The following DCAF7 variants were observed in gnomAD, a reference collection of about 807,000 sequenced individuals.
DCAF7 encodes the protein DDB1- and CUL4-associated factor 7.
A neutral mutation model predicts 41.2 loss-of-function variants in DCAF7; 4 were observed. The observed-to-expected ratio is 0.10, with a 90% CI of 0.05 to 0.22. The LOEUF is 0.22. Ranked by LOEUF, DCAF7 falls within the 10% of genes least tolerant of loss-of-function variation. DCAF7 has a pLI of 1.00. For synonymous variants in DCAF7, 143 were observed against 164.2 expected, an observed-to-expected ratio of 0.87 and a Z score of 0.99; for missense variants, 131 against 443.2, an observed-to-expected ratio of 0.30 and a Z score of 6.32.
intron 1 of DCAF7, among the ~76,000 whole-genome samples, chr17:63,566,264 G>A (rs552334760): frequency 6.6e-6 from 1 of 151,146 alleles, no homozygotes; most frequent in African/African-American, 2.4e-5. Context: ...CCAGCTACTC[G>A]GGAGGCTGAG....
intron 1 of DCAF7, among the ~76,000 whole-genome samples, chr17:63,575,313 A>G (rs2033550162): frequency 6.6e-6 from 1 of 152,256 alleles, no homozygotes; most frequent in Non-Finnish European, 1.5e-5. Flanking sequence ...CTGAGGCGAC[A>G]GAGCGAGACT....
intron 1 of DCAF7, among the ~76,000 whole-genome samples, chr17:63,570,613 A>C (rs905518538): frequency 6.6e-6 from 1 of 152,122 alleles, no homozygotes; most frequent in Non-Finnish European, 1.5e-5. Context: ...AAGAGTGTAA[A>C]TTGCAAGGCA....
chr17:63,582,622 C>T (rs1453305161), intron 4 of DCAF7, among the ~76,000 whole-genome samples: 1 of 152,116 alleles, frequency 6.6e-6, no homozygotes, highest in Non-Finnish European at 1.5e-5. Context: ...GCACCAGACA[C>T]CACACTCAGC....
At chr17:63,562,799 C>A (rs906750608) in intron 1 of DCAF7, among the ~76,000 whole-genome samples, 1 of 147,618 alleles carries the variant, frequency 6.8e-6, no homozygotes, top group Non-Finnish European at 1.5e-5. Flanking sequence ...GAACAAAAAA[C>A]CAAACACCGC....
rs2033243253 is a variant in DCAF7 at position 63,550,876 on chromosome 17, C to G, written c.138+61C>G. 1.8e-5 allele frequency: 29 copies of G among 1,573,528 alleles called. No homozygotes were observed. The highest frequency in any genetic ancestry group is 2.4e-5 in the Non-Finnish European group (28 of 1,160,974). ...GGAGCGGGCCCCGGGAGCGCCCTTT[C>G]CGGGCCGGAGCCCAGGCCTCAGAAC... On this transcript the variant is annotated intron_variant, in intron 1 of 6. Transcript: ENST00000614556. This position sits in a 1 kb window ranked among gnomAD's most constrained non-coding sequence, Gnocchi z 4.8.
chr17:63,584,952 A>C (rs1461084611), intron 5 of DCAF7, among the ~76,000 whole-genome samples: 1 of 152,114 alleles, frequency 6.6e-6, no homozygotes, highest in Non-Finnish European at 1.5e-5. Context: ...GCTGGGACCC[A>C]GGATTACCCA....
intron 1 of DCAF7, among the ~76,000 whole-genome samples, chr17:63,559,409 GTATA>G (rs1328151759): frequency 2.3e-5 from 2 of 86,348 alleles, no homozygotes; most frequent in Non-Finnish European, 4.3e-5. Flanking sequence ...GTATATATAT[GTATA>G]TATATACGTA....
chr17:63,578,592 A>G lies in DCAF7; in HGVS notation c.261A>G (p.Leu87=). The G allele has an allele frequency of 6.2e-7, 1 of 1,614,024 alleles. No individual in the cohort carries two copies. Among genetic ancestry groups the G allele is most frequent in the South Asian group, 1.1e-5 (1 of 91,086 alleles). The change falls in exon 2 of 7, where the codon CTA becomes CTG. Residue 87 remains leucine (L), a synonymous_variant. Transcript: ENST00000614556. ...ACACAAAAGGCGTCTATCCAGACCT[A>G]CTGGCAACAAGCGGTGACTATCTCC... is the stretch of plus-strand genomic sequence containing the variant. ...IPDTKGVYPD[L]LATSGDYLRV...
In DCAF7 at chr17:63,585,347, AAG is replaced by A. The variant is rs1431388649; in HGVS notation, c.856+21_856+22del. 7 of 1,600,288 alleles carry A rather than the reference AAG, an allele frequency of 4.4e-6. No individual in the cohort carries two copies. The highest frequency in any genetic ancestry group is 6.0e-6 in the Non-Finnish European group (7 of 1,167,584). ...ACTGCAGGTAATCATGGTGGGGAGA[AAG>A]AAATCTGGGAAGGATGGAGGAAATC... is the stretch of plus-strand genomic sequence containing the variant. On this transcript the variant is annotated intron_variant, in intron 6 of 6. Coordinates refer to ENST00000614556, the MANE Select transcript of DCAF7 (RefSeq NM_005828.5).
At chr17:63,568,575 T>C (rs2033470495) in intron 1 of DCAF7, among the ~76,000 whole-genome samples, 1 of 152,184 alleles carries the variant, frequency 6.6e-6, no homozygotes, top group African/African-American at 2.4e-5. Context: ...AGTTGATCTC[T>C]GTCATTAACA....
intron 1 of DCAF7, among the ~76,000 whole-genome samples, chr17:63,570,461 GA>G (rs984761593): frequency 1.3e-5 from 2 of 150,198 alleles, no homozygotes; most frequent in East Asian, 1.9e-4. Flanking sequence ...CAAAAAAAAA[GA>G]AAAAAAAAGA....
chr17:63,575,427 T>C (rs527637792), intron 1 of DCAF7, among the ~76,000 whole-genome samples: 104 of 152,132 alleles, frequency 6.8e-4, no homozygotes, highest in African/African-American at 2.5e-3. Flanking sequence ...CAGCCGGGCG[T>C]AGTGGTTCAC....
intron 1 of DCAF7, among the ~76,000 whole-genome samples, chr17:63,564,512 AAGTGGGGAAAATGC>A (rs577892740): frequency 9.6e-4 from 147 of 152,346 alleles, no homozygotes; most frequent in Non-Finnish European, 1.9e-3. Flanking sequence ...CTGGTGAACT[AAGTGGGGAAAATGC>A]AGTTTGGCCT....
intron 1 of DCAF7, among the ~76,000 whole-genome samples, chr17:63,568,269 G>A (rs2033466682): frequency 1.3e-5 from 2 of 152,130 alleles, no homozygotes; most frequent in South Asian, 4.1e-4. Flanking sequence ...CCAAAGTGCT[G>A]GGATTACAAG....
intron 1 of DCAF7, among the ~76,000 whole-genome samples, chr17:63,553,957 A>G (rs891508813): frequency 6.6e-6 from 1 of 152,164 alleles, no homozygotes; most frequent in African/African-American, 2.4e-5. Context: ...TAATCTTAGC[A>G]CTTTGGGAGG....
chr17:63,593,707 C>CA lies in DCAF7; in HGVS notation c.*4536dup, dbSNP rs2033757294. 1 of 152,654 alleles carries CA rather than the reference C, an allele frequency of 6.6e-6. No individual in the cohort carries two copies. Among genetic ancestry groups the CA allele is most frequent in the Non-Finnish European group, 1.5e-5 (1 of 68,050 alleles). 9.5% of individuals were successfully genotyped at this position (152,654 alleles called of 1,614,324 possible). A position where few individuals can be genotyped will look rare whatever the true frequency, so the allele number is the denominator to read the frequency against. Reference sequence around the variant, plus strand: ...TGAATCGATTTAGTTGAGTCTGACTCACTTGCTTTGGTTCCTGTGTATTTT... The same window carrying CA: ...TGAATCGATTTAGTTGAGTCTGACTCAACTTGCTTTGGTTCCTGTGTATTTT... On this transcript the variant is annotated 3_prime_UTR_variant, in exon 7 of 7. Coordinates refer to ENST00000614556, the MANE Select transcript of DCAF7 (RefSeq NM_005828.5).
At chr17:63,573,998 G>C (rs973098136) in intron 1 of DCAF7, among the ~76,000 whole-genome samples, 1 of 152,086 alleles carries the variant, frequency 6.6e-6, no homozygotes, top group African/African-American at 2.4e-5. Context: ...CTTCATCGGG[G>C]GAAGGTGAAG....
chr17:63,569,305 T>A lies in DCAF7; in HGVS notation c.139-9165T>A, dbSNP rs577971686. On this transcript the variant is annotated intron_variant, in intron 1 of 6. Coordinates refer to ENST00000614556, the MANE Select transcript of DCAF7 (RefSeq NM_005828.5). ...TCTCCCAAAGATGTCCTCTAGGGTG[T>A]CCCCATTTTTGGCTTTAACCTACCA... is the stretch of plus-strand genomic sequence containing the variant. Among the ~76,000 whole-genome samples, 19 of 151,680 alleles carry A rather than the reference T, an allele frequency of 1.3e-4. No homozygotes were observed. In the East Asian group the frequency reaches 2.1e-3, roughly 17 times the overall value.
chr17:63,561,731 A>C (rs1024653485), intron 1 of DCAF7, among the ~76,000 whole-genome samples: 7 of 152,000 alleles, frequency 4.6e-5, no homozygotes, highest in African/African-American at 1.5e-4. Flanking sequence ...AAAGAAGAAA[A>C]TGTGTTATAA....
Sources: gnomAD v4.1 joint callset for allele counts (sites outside exome capture counted in the v4.1 genomes callset) on GRCh38, gnomAD v4.1.1 for gene constraint, Gnocchi (gnomAD v3.1) non-coding constraint, MANE v1.5 for transcripts, NCBI Gene and HGNC (gene_info 2026-07-23, HGNC 2026-07-21) for gene names.